SATL1: variants seen among roughly 807,000 people sequenced by gnomAD.
SATL1 encodes the protein spermidine/spermine N1-acetyl transferase like 1.
Under a neutral mutation model 51.8 loss-of-function variants are expected in SATL1, and 47 were observed. The observed-to-expected ratio is 0.91, with a 90% confidence interval of 0.72 to 1.16. The LOEUF (loss-of-function observed/expected upper bound fraction) is 1.16, where lower values mean the gene tolerates loss of function less well. SATL1 is among the 50% of genes most tolerant of loss of function. The probability of loss-of-function intolerance (pLI) is 0.00; values close to 1 mark genes in which losing one functional copy is unlikely to be tolerated. For missense variants in SATL1, 520 were observed against 526.4 expected (o/e 0.99, Z 0.12); for synonymous variants, 176 against 182.4 (o/e 0.97, Z 0.28).
chrX:85,180,829 A>G (rs1025957238), intron 2 of SATL1, among the ~76,000 whole-genome samples: 8 of 110,908 alleles, frequency 7.2e-5, no homozygotes, highest in African/African-American at 2.3e-4. Context: ...TGACTTAGCT[A>G]TTCTACCTTG....
intron 2 of SATL1, among the ~76,000 whole-genome samples, chrX:85,184,176 C>A (rs1260857351): frequency 9.0e-6 from 1 of 111,302 alleles, no homozygotes; most frequent in East Asian, 2.8e-4. Context: ...TTAATTTCTC[C>A]ATTCATCTGC....
At chrX:85,201,053 C>T (rs780172615) in intron 2 of SATL1, among the ~76,000 whole-genome samples, 5 of 110,452 alleles carry the variant, frequency 4.5e-5, no homozygotes, top group Non-Finnish European at 9.5e-5. Flanking sequence ...GTCTACAGTA[C>T]CTCAGGGTAC....
rs185084010 is a variant in SATL1, at chrX:85,168,231, C to T, written c.-313+55974G>A. On this transcript the variant is annotated intron_variant, in intron 2 of 7. Coordinates refer to ENST00000644105, the MANE Select transcript of SATL1 (RefSeq NM_001367857.2). ...CCCCTTGAAAAATCAGACAAGGATGCCCTCTCTCACCACTCCTATTCAACG... is the reference window on the plus strand; with the variant it reads ...CCCCTTGAAAAATCAGACAAGGATGTCCTCTCTCACCACTCCTATTCAACG... Among the ~76,000 whole-genome samples the T allele has an allele frequency of 5.8e-4, 65 of 111,221 alleles. No homozygotes were observed. In the South Asian group the frequency reaches 6.9e-3, roughly 12 times the overall value.
chrX:85,178,381 C>T (rs1263346728), intron 2 of SATL1, among the ~76,000 whole-genome samples: 1 of 110,517 alleles, frequency 9.0e-6, no homozygotes, highest in African/African-American at 3.3e-5. Context: ...TTTTAAAGGT[C>T]CTTTGGTATG....
At position 85,230,844 on chromosome X, in the gene SATL1, T is replaced by G. The variant is rs781761083; in HGVS notation, c.-434-6518A>C. On this transcript the variant is annotated intron_variant, in intron 1 of 7. Coordinates refer to ENST00000644105, the MANE Select transcript of SATL1 (RefSeq NM_001367857.2). ...AAATGATGCTCAATATCCTTAGTTATCAGGAAATGCATATCAAAACCACAG... is the reference window on the plus strand; with the variant it reads ...AAATGATGCTCAATATCCTTAGTTAGCAGGAAATGCATATCAAAACCACAG... 8.0e-5 allele frequency among the ~76,000 whole-genome samples: 9 copies of G among 112,151 alleles called. 1 individual carries two copies. The South Asian group carries it at 3.3e-3, about 41-fold the overall frequency.
chrX:85,203,851 T>C (rs1927737189), intron 2 of SATL1, among the ~76,000 whole-genome samples: 1 of 112,621 alleles, frequency 8.9e-6, no homozygotes, highest in Admixed American at 9.3e-5. Context: ...GTGGGTCTTA[T>C]CTTGCGTAGT....
intron 2 of SATL1, among the ~76,000 whole-genome samples, chrX:85,117,132 G>C (rs756391813): frequency 5.4e-5 from 6 of 111,990 alleles, no homozygotes; most frequent in Non-Finnish European, 1.1e-4. Flanking sequence ...GGCCCCAGAA[G>C]TATGCCAACA....
chrX:85,185,822 C>G (rs985070097), intron 2 of SATL1, among the ~76,000 whole-genome samples: 14 of 110,712 alleles, frequency 1.3e-4, no homozygotes, highest in African/African-American at 4.6e-4. Context: ...CTCTACCCCC[C>G]TGTGGCCAAA....
At chrX:85,185,467 G>A (rs1569243680) in intron 2 of SATL1, among the ~76,000 whole-genome samples, 1 of 111,931 alleles carries the variant, frequency 8.9e-6, no homozygotes, top group Admixed American at 9.4e-5. Flanking sequence ...AATAGCCAGG[G>A]CCTGAGGTAG....
intron 2 of SATL1, among the ~76,000 whole-genome samples, chrX:85,150,645 G>T (rs1302393875): frequency 8.9e-6 from 1 of 111,908 alleles, no homozygotes; most frequent in South Asian, 3.7e-4. Context: ...TCCCTGGGAT[G>T]CAAGGCTGGT....
chrX:85,211,168 C>T (rs936441007), intron 2 of SATL1: 8 of 111,739 alleles, frequency 7.2e-5, no homozygotes, highest in African/African-American at 1.9e-4. Context: ...AAAGTGGCTA[C>T]GTAAAAATAC....
At chrX:85,106,427 C>A (rs1925042253) in intron 3 of SATL1, among the ~76,000 whole-genome samples, 1 of 112,121 alleles carries the variant, frequency 8.9e-6, no homozygotes, top group South Asian at 3.7e-4. Flanking sequence ...AAAGGGAACA[C>A]AAACTTGGCC....
chrX:85,160,941 G>A (rs1239037187), intron 2 of SATL1, among the ~76,000 whole-genome samples: 1 of 111,434 alleles, frequency 9.0e-6, no homozygotes, highest in Non-Finnish European at 1.9e-5. Flanking sequence ...GTCAGGCCAC[G>A]TACATCAGAC....
At chrX:85,125,023 G>A (rs1602849298) in intron 2 of SATL1, among the ~76,000 whole-genome samples, 1 of 109,416 alleles carries the variant, frequency 9.1e-6, no homozygotes, top group East Asian at 2.9e-4. Flanking sequence ...ACTGTCCCGG[G>A]CAGTTTCTCT....
At chrX:85,145,662 G>A (rs2071968003) in intron 2 of SATL1, among the ~76,000 whole-genome samples, 1 of 110,954 alleles carries the variant, frequency 9.0e-6, no homozygotes, top group Non-Finnish European at 1.9e-5. Flanking sequence ...TTCAAAATGT[G>A]GTAGACACAT....
At chrX:85,146,152 C>T in intron 2 of SATL1, among the ~76,000 whole-genome samples, 1 of 111,353 alleles carries the variant, frequency 9.0e-6, no homozygotes, top group Non-Finnish European at 1.9e-5. Context: ...CCTGCCTCGG[C>T]CTCCCAAAGT....
chrX:85,105,425 AAT>A (rs754706892), intron 3 of SATL1, among the ~76,000 whole-genome samples: 117 of 111,720 alleles, frequency 1.0e-3, no homozygotes, highest in Non-Finnish European at 1.6e-3. Context: ...ATATGCATTC[AAT>A]GTTTGTATAA....
At chrX:85,109,502 T>C (rs1925206539) in intron 2 of SATL1, among the ~76,000 whole-genome samples, 1 of 111,250 alleles carries the variant, frequency 9.0e-6, no homozygotes, top group African/African-American at 3.3e-5. Flanking sequence ...CAAGAGGCTA[T>C]AATGAGTCTC....
intron 2 of SATL1, among the ~76,000 whole-genome samples, chrX:85,150,383 G>T (rs905849002): frequency 1.8e-5 from 2 of 109,613 alleles, no homozygotes; most frequent in African/African-American, 6.7e-5. Flanking sequence ...TTCTACCAGA[G>T]GTACAAGGAG....
Sources: allele counts gnomAD v4.1 joint callset (sites outside exome capture counted in the v4.1 genomes callset), GRCh38; gene constraint gnomAD v4.1.1; transcripts MANE v1.5; gene names NCBI Gene and HGNC (gene_info 2026-07-23, HGNC 2026-07-21).